ITGB6: variants seen among roughly 807,000 people sequenced by gnomAD.
ITGB6 encodes the protein integrin subunit beta 6.
In ITGB6, 80 loss-of-function variants were observed where a neutral mutation model predicts 84.5. The ratio of observed to expected loss-of-function variants is 0.95; its 90% CI spans 0.79 to 1.14. The LOEUF (loss-of-function observed/expected upper bound fraction) is 1.14, where lower values mean the gene tolerates loss of function less well. Ranked by LOEUF, ITGB6 falls within the 50% of genes most tolerant of loss-of-function variation. ITGB6 has a pLI of 0.00. For synonymous variants in ITGB6, 383 were observed against 354.9 expected, an observed-to-expected ratio of 1.08 and a Z score of -0.89; for missense variants, 1,006 against 968.0, an observed-to-expected ratio of 1.04 and a Z score of -0.52.
intron 12 of ITGB6, among the ~76,000 whole-genome samples, chr2:160,121,816 G>A (rs1436098254): frequency 1.3e-5 from 2 of 148,898 alleles, no homozygotes; most frequent in African/African-American, 4.9e-5. Flanking sequence ...GATGAATAAG[G>A]TTAATAACAT....
At chr2:160,168,604 C>T (rs1685092427) in intron 7 of ITGB6, among the ~76,000 whole-genome samples, 1 of 152,248 alleles carries the variant, frequency 6.6e-6, no homozygotes, top group Middle Eastern at 3.4e-3. Flanking sequence ...GCAGTTTGCA[C>T]AGTGGTTTGG....
At chr2:160,139,927 GT>G (rs560773932) in intron 8 of ITGB6, among the ~76,000 whole-genome samples, 1 of 152,018 alleles carries the variant, frequency 6.6e-6, no homozygotes, top group Non-Finnish European at 1.5e-5. Context: ...GGTATTTAAG[GT>G]TTTTTTAAAA....
intron 4 of ITGB6, among the ~76,000 whole-genome samples, chr2:160,177,976 G>C (rs796308405): frequency 3.3e-5 from 5 of 152,166 alleles, no homozygotes; most frequent in African/African-American, 1.2e-4. Flanking sequence ...CTAGGTTCAA[G>C]CCATTCTCCT....
Position 160,123,884 on chromosome 2 carries a change from A to T in ITGB6, c.1888T>A (p.Cys630Ser). ...GCTGCTGACAGGTGGCACTCAATGC[A>T]GCTCCTGTGGACAGTATCCAACAGT... ...CGDPCNSKRS[C>S]IECHLSAAGQ... is the part of the protein sequence containing the mutation. Residue 630 changes from cysteine to serine, a missense_variant, in exon 12 of 15, where the codon TGC becomes AGC. Coordinates refer to ENST00000283249, the MANE Select transcript of ITGB6 (RefSeq NM_000888.5). The T allele has an allele frequency of 1.2e-6, 2 of 1,612,722 alleles. No homozygotes were observed. Among genetic ancestry groups the T allele is most frequent in the Non-Finnish European group, 1.7e-6 (2 of 1,178,916 alleles).
intron 10 of ITGB6, among the ~76,000 whole-genome samples, chr2:160,133,036 A>C (rs1683535891): frequency 6.6e-6 from 1 of 152,122 alleles, no homozygotes; most frequent in Non-Finnish European, 1.5e-5. Context: ...TGTGCTCCTT[A>C]TCCTTGGTAG....
chr2:160,151,984 T>C (rs1684442086), intron 7 of ITGB6, among the ~76,000 whole-genome samples: 2 of 151,852 alleles, frequency 1.3e-5, no homozygotes, highest in African/African-American at 4.8e-5. Context: ...AAGTCCAGGA[T>C]CAGACGAATT....
intron 14 of ITGB6, among the ~76,000 whole-genome samples, chr2:160,105,088 A>G (rs1696858557): frequency 6.6e-6 from 1 of 152,224 alleles, no homozygotes. Flanking sequence ...TTTTTCCAGT[A>G]GGATGTTAGT....
chr2:160,136,688 T>G (rs1484366302), intron 10 of ITGB6, among the ~76,000 whole-genome samples: 4 of 152,216 alleles, frequency 2.6e-5, no homozygotes, highest in Non-Finnish European at 4.4e-5. Flanking sequence ...TAAGAAAATG[T>G]GGCACATATA....
In ITGB6 at chr2:160,200,110, T is replaced by C; in HGVS notation, c.-47A>G. 3 of 1,517,552 alleles carry C rather than the reference T, an allele frequency of 2.0e-6. No homozygotes were observed. The highest frequency in any genetic ancestry group is 1.1e-5 in the South Asian group (1 of 88,216). The allele number at this position is 1,517,552 out of a possible 1,614,324, so 94.0% of individuals were successfully genotyped here. On this transcript the variant is annotated 5_prime_UTR_variant, in exon 1 of 15. Transcript: ENST00000283249. ...AGACCGATTAAAAAATGAATTACCTTCAGCGTTACAAGACCAACGCTGAAT... is the reference window on the plus strand; with the variant it reads ...AGACCGATTAAAAAATGAATTACCTCCAGCGTTACAAGACCAACGCTGAAT...
At chr2:160,137,394 T>G (rs1574073749) in intron 10 of ITGB6, 40 bp downstream of exon 10, 1 of 1,564,986 alleles carries the variant, frequency 6.4e-7, no homozygotes. Context: ...TGCTGATACT[T>G]GAGCAGCCAC....
At chr2:160,161,168 A>G (rs574651967) in intron 7 of ITGB6, among the ~76,000 whole-genome samples, 1 of 152,266 alleles carries the variant, frequency 6.6e-6, no homozygotes, top group South Asian at 2.1e-4. Flanking sequence ...TTTAAAGTAG[A>G]CACCTATAAG....
In ITGB6 at chr2:160,172,723, AT is replaced by A; in HGVS notation, c.766del (p.Ile256LeufsTer14). 8.2e-6 allele frequency: 13 copies of A among 1,593,254 alleles called. No homozygotes were observed. Among genetic ancestry groups the A allele is most frequent in the Non-Finnish European group, 1.1e-5 (13 of 1,162,462 alleles). On this transcript the variant is annotated frameshift_variant, in exon 6 of 15. Coordinates refer to ENST00000283249, the MANE Select transcript of ITGB6 (RefSeq NM_000888.5). LOFTEE classifies it high-confidence loss of function. Reference protein sequence around the residue: ...IMQAAVCKEKIGWRNDSLHLL... With the variant: ...IMQAAVCKEKXGWRNDSLHLL... ...GTGGAGGGAGTCATTCCGCCAGCCA[AT>A]TTTTTCCTACAGTGAGAAAGAAACA...
At chr2:160,181,792 A>G (rs1209197429) in intron 4 of ITGB6, among the ~76,000 whole-genome samples, 1 of 152,202 alleles carries the variant, frequency 6.6e-6, no homozygotes, top group Non-Finnish European at 1.5e-5. Flanking sequence ...CAGAGGAAGG[A>G]ACAGGCAGCA....
intron 4 of ITGB6, among the ~76,000 whole-genome samples, chr2:160,176,278 G>A (rs960752344): frequency 3.9e-5 from 6 of 152,196 alleles, no homozygotes; most frequent in Non-Finnish European, 8.8e-5. Flanking sequence ...AGCTCTGGAA[G>A]TGTGTTGGCC....
chr2:160,148,334 G>A (rs1684276407), intron 7 of ITGB6, among the ~76,000 whole-genome samples: 1 of 152,198 alleles, frequency 6.6e-6, no homozygotes. Context: ...TGGAGCAATA[G>A]GAATTCTCAT....
chr2:160,168,746 A>C (rs1685096274), intron 7 of ITGB6, among the ~76,000 whole-genome samples: 1 of 152,132 alleles, frequency 6.6e-6, no homozygotes, highest in Non-Finnish European at 1.5e-5. Context: ...TTTTTCCTTT[A>C]ACTTTCCAAT....
intron 10 of ITGB6, among the ~76,000 whole-genome samples, chr2:160,129,392 C>A (rs375312962): frequency 2.3e-3 from 285 of 126,658 alleles, no homozygotes; most frequent in Middle Eastern, 9.0e-3. Flanking sequence ...TACTTTTCTT[C>A]AAAAAAAAAA....
chr2:160,151,399 A>C (rs888993191), intron 7 of ITGB6, among the ~76,000 whole-genome samples: 3 of 152,258 alleles, frequency 2.0e-5, no homozygotes, highest in Admixed American at 1.3e-4. Flanking sequence ...GAAACCAATG[A>C]GAACAAAGAC....
At chr2:160,178,155 G>A (rs1241831099) in intron 4 of ITGB6, among the ~76,000 whole-genome samples, 6 of 152,190 alleles carry the variant, frequency 3.9e-5, no homozygotes, top group Non-Finnish European at 5.9e-5. Context: ...GAGTACAGGC[G>A]TGCACCACTG....
Sources: gnomAD v4.1 joint callset for allele counts (sites outside exome capture counted in the v4.1 genomes callset) on GRCh38, gnomAD v4.1.1 for gene constraint, MANE v1.5 for transcripts, NCBI Gene and HGNC (gene_info 2026-07-23, HGNC 2026-07-21) for gene names.